ARHGAP21: variants seen among roughly 807,000 people sequenced by gnomAD.
ARHGAP21 encodes Rho GTPase activating protein 21.
In ARHGAP21, 38 loss-of-function variants were observed where a neutral mutation model predicts 164.6. That is an observed-to-expected ratio of 0.23 (90% CI 0.18 to 0.30). The LOEUF is 0.30. Among genes scored for constraint, ARHGAP21 ranks in the 10% least tolerant of loss-of-function variants. The pLI is 1.00. For missense variants in ARHGAP21, 1,822 were observed against 2,370.7 expected (o/e 0.77, Z 4.81); for synonymous variants, 766 against 857.9 (o/e 0.89, Z 1.87).
At chr10:24,662,916 A>G (rs530938755) in intron 4 of ARHGAP21, among the ~76,000 whole-genome samples, 1 of 151,212 alleles carries the variant, frequency 6.6e-6, no homozygotes, top group Non-Finnish European at 1.5e-5. Context: ...CTACATTTCA[A>G]TTACAGTTGT....
intron 14 of ARHGAP21, 64 bp downstream of exon 14, chr10:24,600,582 T>A: frequency 6.5e-7 from 1 of 1,542,168 alleles, no homozygotes; most frequent in Non-Finnish European, 8.8e-7. Context: ...TCATATTCCT[T>A]AGATCTTTGT....
At chr10:24,708,011 T>G (rs1161521622) in intron 2 of ARHGAP21, among the ~76,000 whole-genome samples, 1 of 152,212 alleles carries the variant, frequency 6.6e-6, no homozygotes, top group South Asian at 2.1e-4. Flanking sequence ...CCTACTTGTT[T>G]TATAGGATGC....
intron 11 of ARHGAP21, among the ~76,000 whole-genome samples, chr10:24,606,686 T>G (rs934952114): frequency 6.6e-6 from 1 of 152,124 alleles, no homozygotes; most frequent in African/African-American, 2.4e-5. Flanking sequence ...ACCCGGTCTC[T>G]ACTAAGATAC....
At chr10:24,664,653 T>C (rs1840026403) in intron 4 of ARHGAP21, among the ~76,000 whole-genome samples, 1 of 151,958 alleles carries the variant, frequency 6.6e-6, no homozygotes, top group East Asian at 1.9e-4. Context: ...ATTTAATTAA[T>C]TTTTTACCAT....
At chr10:24,663,623 G>A (rs921807152) in intron 4 of ARHGAP21, among the ~76,000 whole-genome samples, 1 of 152,190 alleles carries the variant, frequency 6.6e-6, no homozygotes, top group Non-Finnish European at 1.5e-5. Context: ...CCGCCTCCCA[G>A]GTTCAAGCGA....
intron 3 of ARHGAP21, among the ~76,000 whole-genome samples, chr10:24,668,363 G>T (rs1840390238): frequency 1.3e-5 from 2 of 152,138 alleles, no homozygotes; most frequent in South Asian, 4.1e-4. Flanking sequence ...AGGTCCTATG[G>T]TTCCTTCCCA....
At chr10:24,635,222 T>G (rs915050984) in intron 4 of ARHGAP21, 119 bp from the exon 5 acceptor site, 1 of 574,170 alleles carries the variant, frequency 1.7e-6, no homozygotes, top group South Asian at 3.9e-5. Context: ...TAAATACATA[T>G]CCTGAATTTG....
chr10:24,664,914 C>T (rs1001969764), intron 4 of ARHGAP21, among the ~76,000 whole-genome samples: 1 of 152,200 alleles, frequency 6.6e-6, no homozygotes, highest in Middle Eastern at 3.4e-3. Flanking sequence ...AAACTAAATC[C>T]ATTCTCTTCA....
intron 4 of ARHGAP21, among the ~76,000 whole-genome samples, chr10:24,661,409 A>G (rs543000295): frequency 6.6e-6 from 1 of 152,312 alleles, no homozygotes; most frequent in Admixed American, 6.5e-5. Context: ...AAATAATCAG[A>G]AAATTAAATG....
At chr10:24,717,918 G>A (rs979933299) in intron 2 of ARHGAP21, among the ~76,000 whole-genome samples, 3 of 152,146 alleles carry the variant, frequency 2.0e-5, no homozygotes, top group Non-Finnish European at 2.9e-5. Flanking sequence ...AGTAGGGACC[G>A]GGTTTCACCA....
chr10:24,589,416 AAAAC>A (rs2076241222), intron 24 of ARHGAP21, 114 bp from the exon 25 acceptor site: 1 of 908,206 alleles, frequency 1.1e-6, no homozygotes, highest in Non-Finnish European at 1.7e-6. Flanking sequence ...AGCAAAACTC[AAAAC>A]AATAGAACAC....
chr10:24,598,296 T>C (rs2076669034), intron 14 of ARHGAP21, among the ~76,000 whole-genome samples: 1 of 152,242 alleles, frequency 6.6e-6, no homozygotes, highest in African/African-American at 2.4e-5. Context: ...GATCCGTCCA[T>C]TTAAAATAAA....
intron 4 of ARHGAP21, among the ~76,000 whole-genome samples, chr10:24,644,952 A>C (rs1371866597): frequency 6.6e-6 from 1 of 152,224 alleles, no homozygotes; most frequent in East Asian, 1.9e-4. Context: ...TACAGGCATC[A>C]GAAATGCAAC....
chr10:24,628,392 G>C (rs547581674), intron 7 of ARHGAP21, among the ~76,000 whole-genome samples: 103 of 151,866 alleles, frequency 6.8e-4, no homozygotes, highest in Non-Finnish European at 1.0e-3. Context: ...TTACATGTCA[G>C]TGAATGACTC....
chr10:24,600,132 CAAAAAAA>C (rs56180973), intron 14 of ARHGAP21, among the ~76,000 whole-genome samples: 3 of 94,862 alleles, frequency 3.2e-5, no homozygotes, highest in Non-Finnish European at 6.0e-5. Context: ...GACTTCGTTT[CAAAAAAA>C]AAAAAAAAAA....
intron 6 of ARHGAP21, among the ~76,000 whole-genome samples, chr10:24,630,776 A>C (rs1246010055): frequency 6.6e-6 from 1 of 152,176 alleles, no homozygotes; most frequent in Non-Finnish European, 1.5e-5. Context: ...TACAGGCGTG[A>C]GCCACTGTGC....
At chr10:24,592,869 A>T (rs943004377) in intron 21 of ARHGAP21, among the ~76,000 whole-genome samples, 4 of 152,234 alleles carry the variant, frequency 2.6e-5, no homozygotes, top group African/African-American at 9.6e-5. Flanking sequence ...GTAAACACCC[A>T]GTGTCTGGAA....
At chr10:24,619,408 AAT>A in intron 9 of ARHGAP21, 63 bp downstream of exon 9, 2 of 1,464,276 alleles carry the variant, frequency 1.4e-6, no homozygotes, top group Admixed American at 4.1e-5. Context: ...AACTAGAAAT[AAT>A]ACTTTTCTGG....
intron 2 of ARHGAP21, among the ~76,000 whole-genome samples, chr10:24,690,626 C>T (rs1425769864): frequency 1.3e-5 from 2 of 151,870 alleles, no homozygotes; most frequent in African/African-American, 4.8e-5. Flanking sequence ...GTGGCGAGTT[C>T]GAGACCATCC....
Sources: allele counts gnomAD v4.1 joint callset (sites outside exome capture counted in the v4.1 genomes callset), GRCh38; gene constraint gnomAD v4.1.1; transcripts MANE v1.5; gene names NCBI Gene and HGNC (gene_info 2026-07-23, HGNC 2026-07-21).